The following CRKL variants were observed in gnomAD, a reference collection of about 807,000 sequenced individuals.
CRKL encodes the protein crk-like protein.
Under a neutral mutation model 23.0 loss-of-function variants are expected in CRKL, and 3 were observed. The observed-to-expected ratio is 0.13, with a 90% CI of 0.06 to 0.34. The LOEUF is 0.34. Ranked by LOEUF, CRKL falls within the 10% of genes least tolerant of loss-of-function variation. CRKL has a pLI of 1.00. For synonymous variants in CRKL, 188 were observed against 160.7 expected, an observed-to-expected ratio of 1.17 and a Z score of -1.28; for missense variants, 256 against 394.5, an observed-to-expected ratio of 0.65 and a Z score of 2.97.
rs1295406237 is a variant in CRKL at position 20,953,704 on chromosome 22, G to A, written c.*3859G>A. The stretch of plus-strand genomic sequence containing the variant: ...AAACCCTTGTTTCCATGGCCTGTTT[G>A]TATATTGTCTCAATAAAACTTGCAT... On this transcript the variant is annotated 3_prime_UTR_variant, in exon 3 of 3. Coordinates refer to ENST00000354336, the MANE Select transcript of CRKL (RefSeq NM_005207.4). The A allele has an allele frequency of 1.0e-5, 2 of 190,614 alleles. No homozygotes were observed. Among genetic ancestry groups the A allele is most frequent in the African/African-American group, 4.7e-5 (2 of 42,922 alleles). The allele number at this position is 190,614 out of a possible 1,614,324, so 11.8% of individuals were successfully genotyped here. A position where few individuals can be genotyped will look rare whatever the true frequency, so the allele number is the denominator to read the frequency against.
chr22:20,949,509 G>A (rs75177642), intron 2 of CRKL, among the ~76,000 whole-genome samples: 16,685 of 152,190 alleles, frequency 0.11, 1,329 homozygotes, highest in Non-Finnish European at 0.16. Context: ...GGTGGAGGTG[G>A]AAGGATCACT....
rs1051419390 is a variant in CRKL, at chr22:20,942,326, C to G, written c.778-7385C>G. 3.3e-5 allele frequency among the ~76,000 whole-genome samples: 5 copies of G among 152,170 alleles called. No individual in the cohort carries two copies. The South Asian group carries it at 1.0e-3, about 32-fold the overall frequency. On this transcript the variant is annotated intron_variant, in intron 2 of 2. Transcript: ENST00000354336. Reference sequence around the variant, plus strand: ...CTTTGAAAGGCCAAGGTGGGAAGATCACTTGAGGCAAGGAGTTTGAGACCA... The same window carrying G: ...CTTTGAAAGGCCAAGGTGGGAAGATGACTTGAGGCAAGGAGTTTGAGACCA...
intron 2 of CRKL, among the ~76,000 whole-genome samples, chr22:20,944,073 A>C (rs1387151666): frequency 6.6e-6 from 1 of 151,956 alleles, no homozygotes; most frequent in Non-Finnish European, 1.5e-5. Context: ...TTGCTGCAAA[A>C]AAAAAGGCTG....
At position 20,921,788 on chromosome 22, in the gene CRKL, A is replaced by C. The variant is rs146267923; in HGVS notation, c.311+3543A>C. Among the ~76,000 whole-genome samples the C allele has an allele frequency of 6.0e-3, 900 of 150,492 alleles. 8 individuals are homozygous for C. The highest frequency in any genetic ancestry group is 0.056 in the East Asian group (284 of 5,116). On this transcript the variant is annotated intron_variant, in intron 1 of 2. Transcript: ENST00000354336. The stretch of plus-strand genomic sequence containing the variant: ...GGAGTGTGCGATCTCGGCTCACTGC[A>C]AGCTCCGCCTCCTGGGTTCACACCA...
In CRKL at chr22:20,918,111, C is replaced by G. The variant is rs1233258957; in HGVS notation, c.177C>G (p.Ser59=). ...CGGTGTCCGAGAACTCGCGGGTCTCCCACTACATCATCAACTCGCTGCCCA... is the reference window on the plus strand; with the variant it reads ...CGGTGTCCGAGAACTCGCGGGTCTCGCACTACATCATCAACTCGCTGCCCA... ...VLSVSENSRV[S]HYIINSLPNR... is the part of the protein sequence containing the mutation. The change falls in exon 1 of 3, where the codon TCC becomes TCG. Residue 59 remains serine, a synonymous_variant. Coordinates refer to ENST00000354336, the MANE Select transcript of CRKL (RefSeq NM_005207.4). 1 of 1,614,158 alleles carries G rather than the reference C, an allele frequency of 6.2e-7. No homozygotes were observed. Among genetic ancestry groups the G allele is most frequent in the Non-Finnish European group, 8.5e-7 (1 of 1,180,034 alleles).
In CRKL at chr22:20,949,917, T is replaced by C; in HGVS notation, c.*72T>C. The C allele has an allele frequency of 6.5e-7, 1 of 1,536,960 alleles. No individual in the cohort carries two copies. The highest frequency in any genetic ancestry group is 8.7e-7 in the Non-Finnish European group (1 of 1,146,564). On this transcript the variant is annotated 3_prime_UTR_variant, in exon 3 of 3. Coordinates refer to ENST00000354336, the MANE Select transcript of CRKL (RefSeq NM_005207.4). ...GTCTCCTTTGAAGTGGGAAAGCATT[T>C]TCTCTCATAGGCAAGTCACACTGCA...
At chr22:20,933,446 C>T (rs1458427207) in intron 1 of CRKL, among the ~76,000 whole-genome samples, 2 of 151,256 alleles carry the variant, frequency 1.3e-5, no homozygotes, top group East Asian at 2.0e-4. Context: ...GTGCGTGGAT[C>T]GCCCGAGGTC....
chr22:20,918,534 C>A (rs754428757), intron 1 of CRKL, among the ~76,000 whole-genome samples: 2 of 150,368 alleles, frequency 1.3e-5, no homozygotes, highest in Non-Finnish European at 3.0e-5. Context: ...TTTTGCCTTT[C>A]GTGACTTTCT....
intron 2 of CRKL, among the ~76,000 whole-genome samples, chr22:20,935,363 T>G (rs1921615401): frequency 6.6e-6 from 1 of 152,070 alleles, no homozygotes; most frequent in Admixed American, 6.6e-5. Context: ...TCTGCCTGCC[T>G]TGGCCTCCCA....
chr22:20,931,469 G>A (rs1017336207), intron 1 of CRKL, among the ~76,000 whole-genome samples: 7 of 152,134 alleles, frequency 4.6e-5, no homozygotes, highest in South Asian at 4.1e-4. Flanking sequence ...TGTTCATGTC[G>A]GTACATTGGA....
chr22:20,939,076 T>C (rs1192266461), intron 2 of CRKL, among the ~76,000 whole-genome samples: 1 of 152,102 alleles, frequency 6.6e-6, no homozygotes, highest in African/African-American at 2.4e-5. Context: ...AGAGTCTAAC[T>C]CCATGGCCCT....
At position 20,945,315 on chromosome 22, in the gene CRKL, C is replaced by T. The variant is rs569245559; in HGVS notation, c.778-4396C>T. 6.6e-5 allele frequency among the ~76,000 whole-genome samples: 10 copies of T among 152,228 alleles called. 1 individual carries two copies. The highest frequency in any genetic ancestry group is 6.2e-4 in the South Asian group (3 of 4,828). On this transcript the variant is annotated intron_variant, in intron 2 of 2. Transcript: ENST00000354336. ...GCTTGGAATTACTTTCTTAATTATT[C>T]ATTACCAATATATAAGACGCAACTG...
At position 20,941,519 on chromosome 22, in the gene CRKL, GTA is replaced by G. The variant is rs71186699; in HGVS notation, c.777+7289_777+7290del. Among the ~76,000 whole-genome samples the G allele has an allele frequency of 1.2e-3, 27 of 21,724 alleles. 5 individuals are homozygous for G. In the East Asian group the frequency reaches 0.015, roughly 12 times the overall value. 14.3% of individuals were successfully genotyped at this position (21,724 alleles called of 152,430 possible). A position where few individuals can be genotyped will look rare whatever the true frequency, so the allele number is the denominator to read the frequency against. ...TATACATATGTGTGTTTGTGTATGT[GTA>G]TATATATATATATTTTATGTGTGTG... On this transcript the variant is annotated intron_variant, in intron 2 of 2. Transcript: ENST00000354336.
intron 2 of CRKL, among the ~76,000 whole-genome samples, chr22:20,935,028 A>G (rs989331751): frequency 2.6e-5 from 4 of 151,806 alleles, no homozygotes; most frequent in African/African-American, 9.7e-5. Flanking sequence ...ATTAGCCAGG[A>G]TGGTGTCGAT....
In CRKL at chr22:20,951,714, A is replaced by G. The variant is rs112216359; in HGVS notation, c.*1869A>G. The G allele has an allele frequency of 8.9e-6, 2 of 223,976 alleles. No homozygotes were observed. Among genetic ancestry groups the G allele is most frequent in the African/African-American group, 2.2e-5 (1 of 44,842 alleles). The allele number at this position is 223,976 out of a possible 1,614,324, so 13.9% of individuals were successfully genotyped here. ...TGCATTCTGGAGACAGAACCAGCAG[A>G]ACAGCCATTTTTCAATTTTTCTTTA... On this transcript the variant is annotated 3_prime_UTR_variant, in exon 3 of 3. Transcript: ENST00000354336.
chr22:20,935,863 ACT>A (rs1362169388), intron 2 of CRKL, among the ~76,000 whole-genome samples: 2 of 151,496 alleles, frequency 1.3e-5, no homozygotes. Flanking sequence ...TTTTAAAAAA[ACT>A]CTTTCTCAGC....
intron 2 of CRKL, among the ~76,000 whole-genome samples, chr22:20,948,788 C>T (rs1302162281): frequency 1.3e-5 from 2 of 152,164 alleles, no homozygotes; most frequent in Non-Finnish European, 2.9e-5. Context: ...GCATGTACCA[C>T]GATGCCTGGT....
rs1023280674 is a variant in CRKL at position 20,946,752 on chromosome 22, C to T, written c.778-2959C>T. On this transcript the variant is annotated intron_variant, in intron 2 of 2. Transcript: ENST00000354336. ...AAAAAAAAACAGATTGATCTGCCCTCCACAGTGAGTGCTTCTTTGAGCTGG... is the reference window on the plus strand; with the variant it reads ...AAAAAAAAACAGATTGATCTGCCCTTCACAGTGAGTGCTTCTTTGAGCTGG... 9.2e-5 allele frequency among the ~76,000 whole-genome samples: 14 copies of T among 151,702 alleles called. No individual in the cohort carries two copies. In the East Asian group the frequency reaches 1.9e-3, roughly 21 times the overall value.
At chr22:20,933,153 G>A (rs568254007) in intron 1 of CRKL, among the ~76,000 whole-genome samples, 83 of 151,454 alleles carry the variant, frequency 5.5e-4, no homozygotes, top group Non-Finnish European at 1.5e-4. Context: ...GGCAGATCAC[G>A]AGGTCAGGAG....
Sources: allele counts gnomAD v4.1 joint callset (sites outside exome capture counted in the v4.1 genomes callset), GRCh38; gene constraint gnomAD v4.1.1; transcripts MANE v1.5; gene names NCBI Gene and HGNC (gene_info 2026-07-23, HGNC 2026-07-21).